CEP164: variants seen among roughly 807,000 people sequenced by gnomAD.
CEP164 encodes the protein centrosomal protein of 164 kDa.
Under a neutral mutation model 182.7 loss-of-function variants are expected in CEP164, and 162 were observed. The observed-to-expected ratio is 0.89, with a 90% confidence interval of 0.78 to 1.01. The LOEUF (loss-of-function observed/expected upper bound fraction) is 1.01, where lower values mean the gene tolerates loss of function less well. Ranked by LOEUF, CEP164 falls within the 50% of genes least tolerant of loss-of-function variation. The pLI is 0.00. For missense variants in CEP164, 1,735 were observed against 1,790.4 expected (o/e 0.97, Z 0.56); for synonymous variants, 661 against 690.0 (o/e 0.96, Z 0.66).
At chr11:117,365,626 C>T (rs1233709740) in intron 8 of CEP164, among the ~76,000 whole-genome samples, 1 of 152,104 alleles carries the variant, frequency 6.6e-6, no homozygotes, top group African/African-American at 2.4e-5. Context: ...GTCCCCCAGG[C>T]TGTAGTGCAA....
chr11:117,407,961 C>A lies in CEP164; in HGVS notation c.3538C>A (p.Arg1180=), dbSNP rs557730163. The change falls in exon 28 of 33, where the codon CGG becomes AGG. Residue 1180 remains arginine, a synonymous_variant. Coordinates refer to ENST00000278935, the MANE Select transcript of CEP164 (RefSeq NM_014956.5). The part of the protein sequence containing the change: ...RHLDEMKSAM[R]KGHNLLKKKE... ...CCTGGATGAGATGAAGTCGGCCATG[C>A]GGAAAGGCCACAACCTGCTGAAGAA... 2 of 1,600,902 alleles carry A rather than the reference C, an allele frequency of 1.2e-6. No homozygotes were observed. The highest frequency in any genetic ancestry group is 4.5e-5 in the East Asian group (2 of 44,534).
intron 5 of CEP164, among the ~76,000 whole-genome samples, chr11:117,357,726 A>G (rs1195084630): frequency 1.3e-5 from 2 of 151,438 alleles, no homozygotes; most frequent in African/African-American, 4.9e-5. Context: ...CTGGGCTGAG[A>G]GCTAATATTC....
rs907957373 is a variant in CEP164 at position 117,338,550 on chromosome 11, G to C, written c.-21-16G>C. On this transcript the variant is annotated splice_polypyrimidine_tract_variant and intron_variant, in intron 2 of 32. Coordinates refer to ENST00000278935, the MANE Select transcript of CEP164 (RefSeq NM_014956.5). ...TCACTGATTTTTCTCTTTTGGTGGG[G>C]GCCTCTGGGATCTAGGTGTTTGAGC... 1.3e-6 allele frequency: 2 copies of C among 1,566,014 alleles called. No individual in the cohort carries two copies. Among genetic ancestry groups the C allele is most frequent in the Non-Finnish European group, 1.8e-6 (2 of 1,136,598 alleles).
Position 117,371,356 on chromosome 11 carries a change from C to G in CEP164, c.1042C>G (p.Pro348Ala), listed in dbSNP as rs147746626. ...EPAKASEKEA[P>A]EDTVDAGEEG... ...TGCCAAAGCCTCTGAAAAGGAAGCA[C>G]CAGAGGACACAGTAGATGCAGGAGA... The change falls in exon 9 of 33, where the codon CCA becomes GCA. Residue 348 changes from proline to alanine, a missense_variant. Pro to Ala is a conservative substitution (Grantham distance 27). Transcript: ENST00000278935. 4.2e-5 allele frequency: 67 copies of G among 1,614,182 alleles called. No homozygotes were observed. The African/African-American group carries it at 7.6e-4, about 18-fold the overall frequency.
At chr11:117,350,098 G>A (rs532250276) in intron 4 of CEP164, among the ~76,000 whole-genome samples, 91 of 152,204 alleles carry the variant, frequency 6.0e-4, no homozygotes, top group African/African-American at 2.1e-3. Flanking sequence ...TAGTAGAGAT[G>A]GGATTTCACC....
intron 7 of CEP164, 30 bp from the exon 8 acceptor site, chr11:117,363,399 G>GT: frequency 6.4e-7 from 1 of 1,562,758 alleles, no homozygotes; most frequent in Non-Finnish European, 8.8e-7. Flanking sequence ...TTTCTTCAGA[G>GT]TTACCACTTG....
intron 27 of CEP164, among the ~76,000 whole-genome samples, chr11:117,403,699 C>T (rs966628846): frequency 6.6e-6 from 1 of 152,158 alleles, no homozygotes; most frequent in Non-Finnish European, 1.5e-5. Flanking sequence ...GAATGTTGGC[C>T]TGTCCTGCTA....
rs1041063886 is a variant in CEP164 at position 117,355,479 on chromosome 11, A to G, written c.393+3491A>G. The stretch of plus-strand genomic sequence containing the variant: ...CCACTGAAAGGGGAGCAGCACAGCC[A>G]CAGCTTAGCCAAACTGAGCCCCACT... On this transcript the variant is annotated intron_variant, in intron 5 of 32. Transcript: ENST00000278935. 1.9e-5 allele frequency: 24 copies of G among 1,289,556 alleles called. No homozygotes were observed. The Admixed American group carries it at 4.1e-4, about 22-fold the overall frequency. The allele number at this position is 1,289,556 out of a possible 1,614,324, so 79.9% of individuals were successfully genotyped here.
rs777863291 is a variant in CEP164 at position 117,409,742 on chromosome 11, G to A, written c.3873G>A (p.Pro1291=). 1.9e-5 allele frequency: 30 copies of A among 1,613,946 alleles called. No homozygotes were observed. Among genetic ancestry groups the A allele is most frequent in the Middle Eastern group, 3.3e-4 (2 of 6,062 alleles). The part of the protein sequence containing the change: ...ILDSLNPQSP[P]PLLASMPAQL... Reference sequence around the variant, plus strand: ...ACAGCCTCAACCCTCAGTCGCCGCCGCCGCTCCTCGCCTCCATGCCAGCCC... The same window carrying A: ...ACAGCCTCAACCCTCAGTCGCCGCCACCGCTCCTCGCCTCCATGCCAGCCC... The change falls in exon 30 of 33, where the codon CCG becomes CCA. Residue 1291 remains proline (P), a synonymous_variant. Transcript: ENST00000278935. This position sits in a 1 kb window ranked among gnomAD's most constrained non-coding sequence, Gnocchi z 4.4.
At chr11:117,379,852 CTTTTTTTT>C (rs58534321) in intron 11 of CEP164, among the ~76,000 whole-genome samples, 6 of 116,914 alleles carry the variant, frequency 5.1e-5, no homozygotes, top group Admixed American at 1.8e-4. Flanking sequence ...ATAGTTCTTC[CTTTTTTTT>C]TTTTTTTTTT....
intron 11 of CEP164, among the ~76,000 whole-genome samples, chr11:117,377,078 C>T (rs867306555): frequency 1.3e-5 from 2 of 152,172 alleles, no homozygotes; most frequent in South Asian, 2.1e-4. Flanking sequence ...GGTTTTGGTT[C>T]TCACGAAGTG....
At chr11:117,380,735 C>G (rs753164717) in intron 12 of CEP164, 30 bp downstream of exon 12, 2 of 1,566,524 alleles carry the variant, frequency 1.3e-6, no homozygotes, top group South Asian at 2.3e-5. Context: ...ATCCCCAGCG[C>G]TGTGCCTTCA....
At position 117,349,085 on chromosome 11, in the gene CEP164, C is replaced by T. The variant is rs192563301; in HGVS notation, c.195-2705C>T. On this transcript the variant is annotated intron_variant, in intron 4 of 32. Transcript: ENST00000278935. ...TCACCCAGGCTGGAGTGCAGTGGTGCGATCTTGGCTCACTGCAACCTCTGC... is the reference window on the plus strand; with the variant it reads ...TCACCCAGGCTGGAGTGCAGTGGTGTGATCTTGGCTCACTGCAACCTCTGC... Among the ~76,000 whole-genome samples, 294 of 151,640 alleles carry T rather than the reference C, an allele frequency of 1.9e-3. 1 individual carries two copies. The highest frequency in any genetic ancestry group is 0.015 in the South Asian group (72 of 4,794).
intron 4 of CEP164, 61 bp downstream of exon 4, chr11:117,344,338 C>T (rs2135253156): frequency 1.7e-6 from 2 of 1,166,454 alleles, no homozygotes; most frequent in South Asian, 1.3e-5. Flanking sequence ...GAAGCTAATA[C>T]TGGAGATCGG....
intron 5 of CEP164, chr11:117,355,714 T>C: frequency 8.5e-7 from 1 of 1,182,962 alleles, no homozygotes; most frequent in Non-Finnish European, 1.1e-6. Context: ...GAGAACCTCC[T>C]GGACTGTGGA....
chr11:117,408,051 A>G lies in CEP164; in HGVS notation c.3609+19A>G, dbSNP rs778779422. On this transcript the variant is annotated intron_variant, in intron 28 of 32. Transcript: ENST00000278935. ...GGAAGAGGTGCAGCCCCATGTCCACATAGTCCAGTGGGCCCTGGCCTTCCT... is the reference window on the plus strand; with the variant it reads ...GGAAGAGGTGCAGCCCCATGTCCACGTAGTCCAGTGGGCCCTGGCCTTCCT... 5.9e-6 allele frequency: 9 copies of G among 1,526,942 alleles called. No homozygotes were observed. The South Asian group carries it at 8.3e-5, about 14-fold the overall frequency. The allele number at this position is 1,526,942 out of a possible 1,614,324, so 94.6% of individuals were successfully genotyped here.
At chr11:117,370,129 C>G (rs1270154023) in intron 8 of CEP164, among the ~76,000 whole-genome samples, 3 of 152,242 alleles carry the variant, frequency 2.0e-5, no homozygotes, top group African/African-American at 7.2e-5. Context: ...GCTCTGCTCA[C>G]TTCCTTTATC....
intron 19 of CEP164, 90 bp downstream of exon 19, chr11:117,392,717 G>C: frequency 6.5e-7 from 1 of 1,527,908 alleles, no homozygotes; most frequent in South Asian, 1.2e-5. Flanking sequence ...GCGGCCTCCA[G>C]TTTGCTTTGG....
Position 117,372,564 on chromosome 11 carries a change from C to T in CEP164, c.1152+1098C>T, listed in dbSNP as rs993643690. ...CTGAGTAGCTGGGATTACAGGCATG[C>T]GCCACCACACCCAGCTAATTTTTTG... On this transcript the variant is annotated intron_variant, in intron 9 of 32. Transcript: ENST00000278935. 1.2e-4 allele frequency among the ~76,000 whole-genome samples: 19 copies of T among 152,170 alleles called. 1 individual carries two copies. Among genetic ancestry groups the T allele is most frequent in the South Asian group, 4.1e-4 (2 of 4,826 alleles).
Sources: allele counts gnomAD v4.1 joint callset (sites outside exome capture counted in the v4.1 genomes callset), GRCh38; gene constraint gnomAD v4.1.1; non-coding constraint Gnocchi (gnomAD v3.1); transcripts MANE v1.5; gene names NCBI Gene and HGNC (gene_info 2026-07-23, HGNC 2026-07-21).